KIF13A: variants seen among roughly 807,000 people sequenced by gnomAD.
KIF13A encodes the protein kinesin-like protein KIF13A.
In KIF13A, 79 loss-of-function variants were observed where a neutral mutation model predicts 212.2. The ratio of observed to expected loss-of-function variants is 0.37; its 90% CI spans 0.31 to 0.45. The LOEUF (loss-of-function observed/expected upper bound fraction) is 0.45. Among genes scored for constraint, KIF13A ranks in the 20% least tolerant of loss-of-function variants. The pLI is 1.00. For synonymous variants in KIF13A, 789 were observed against 808.6 expected (o/e 0.98, Z 0.41); for missense variants, 1,901 against 2,209.0 (o/e 0.86, Z 2.79).
chr6:17,827,251 T>C (rs967071221), intron 14 of KIF13A, among the ~76,000 whole-genome samples: 1 of 151,818 alleles, frequency 6.6e-6, no homozygotes, highest in African/African-American at 2.4e-5. Flanking sequence ...TGCACCACTA[T>C]ACCAGCTCAT....
intron 16 of KIF13A, among the ~76,000 whole-genome samples, chr6:17,820,023 A>C (rs1764297674): frequency 6.6e-6 from 1 of 152,082 alleles, no homozygotes; most frequent in Non-Finnish European, 1.5e-5. Flanking sequence ...CGAGATACTG[A>C]ATAAGATATA....
Position 17,768,220 on chromosome 6 carries a change from C to T in KIF13A, c.4581+2894G>A, listed in dbSNP as rs113509115. ...GCTTAAAGAAGAATAAACTAAGCAC[C>T]TTCCTACAATGTCTTAAGGAAAAAG... On this transcript the variant is annotated intron_variant, in intron 38 of 38. Coordinates refer to ENST00000259711, the MANE Select transcript of KIF13A (RefSeq NM_022113.6). The surrounding 1 kb of genome is among the most constrained non-coding windows in gnomAD (Gnocchi z 5.4). Among the ~76,000 whole-genome samples, 142 of 152,270 alleles carry T rather than the reference C, an allele frequency of 9.3e-4. 2 individuals carry two copies. Among genetic ancestry groups the T allele is most frequent in the African/African-American group, 3.3e-3 (136 of 41,552 alleles).
At chr6:17,870,403 T>C (rs1769890424) in intron 4 of KIF13A, among the ~76,000 whole-genome samples, 1 of 152,016 alleles carries the variant, frequency 6.6e-6, no homozygotes, top group Admixed American at 6.6e-5. Context: ...AAATCTTGAG[T>C]TTCACAACTA....
In KIF13A at chr6:17,951,512, G is replaced by A. The variant is rs1306233375; in HGVS notation, c.146+35542C>T. 1 of 429,182 alleles carries A rather than the reference G, an allele frequency of 2.3e-6. No homozygotes were observed. The highest frequency in any genetic ancestry group is 3.5e-5 in the East Asian group (1 of 28,344). 26.6% of individuals were successfully genotyped at this position (429,182 alleles called of 1,614,324 possible). On this transcript the variant is annotated intron_variant, in intron 2 of 38. Transcript: ENST00000259711. The surrounding 1 kb of genome is among the most constrained non-coding windows in gnomAD (Gnocchi z 4.9). Reference sequence around the variant, plus strand: ...TTACCCACTAAAAGTGTCCAATTCAGTGATTTTTAGCATATTCACAGAGTT... The same window carrying A: ...TTACCCACTAAAAGTGTCCAATTCAATGATTTTTAGCATATTCACAGAGTT...
chr6:17,780,389 G>A (rs1268488833), intron 31 of KIF13A, among the ~76,000 whole-genome samples: 4 of 152,240 alleles, frequency 2.6e-5, no homozygotes, highest in Non-Finnish European at 5.9e-5. Flanking sequence ...TTTGTTTGGA[G>A]TCTGCCTTTT....
At chr6:17,830,093 G>C (rs536452205) in intron 13 of KIF13A, among the ~76,000 whole-genome samples, 2 of 152,288 alleles carry the variant, frequency 1.3e-5, no homozygotes, top group South Asian at 4.1e-4. Context: ...CCTTATGTCA[G>C]TCACAGTGTC....
chr6:17,981,612 T>TG (rs1365982415), intron 2 of KIF13A, among the ~76,000 whole-genome samples: 1 of 151,800 alleles, frequency 6.6e-6, no homozygotes, highest in Non-Finnish European at 1.5e-5. Flanking sequence ...TTAGTAGATA[T>TG]GGGGTTTCAC....
Position 17,794,784 on chromosome 6 carries a change from GA to G in KIF13A, c.2943-81del, listed in dbSNP as rs1433373420. ...TAATAGTAATAAGCCACCATTCACT[GA>G]GCACTTACTATGTGCTAGGCACTGT... On this transcript the variant is annotated intron_variant, in intron 23 of 38. Coordinates refer to ENST00000259711, the MANE Select transcript of KIF13A (RefSeq NM_022113.6). This position sits in a 1 kb window ranked among gnomAD's most constrained non-coding sequence, Gnocchi z 4.1. 4 of 1,443,620 alleles carry G rather than the reference GA, an allele frequency of 2.8e-6. No individual in the cohort carries two copies. Among genetic ancestry groups the G allele is most frequent in the Non-Finnish European group, 3.7e-6 (4 of 1,066,812 alleles). The allele number at this position is 1,443,620 out of a possible 1,614,324, so 89.4% of individuals were successfully genotyped here.
Position 17,764,791 on chromosome 6 carries a change from T to TGAG in KIF13A, c.4734_4736dup (p.Ser1579dup), listed in dbSNP as rs1327286405. 3 of 1,613,240 alleles carry TGAG rather than the reference T, an allele frequency of 1.9e-6. No individual in the cohort carries two copies. The East Asian group carries it at 6.7e-5, about 36-fold the overall frequency. On this transcript the variant is annotated inframe_insertion, in exon 39 of 39. Coordinates refer to ENST00000259711, the MANE Select transcript of KIF13A (RefSeq NM_022113.6). This position sits in a 1 kb window ranked among gnomAD's most constrained non-coding sequence, Gnocchi z 5.1. ...GGGACACTTCTTTCTCCAAGACCCG[T>TGAG]GAGTTTGACAGATCTACTTTAGAGG...
At chr6:17,874,646 G>T (rs1335807085) in intron 3 of KIF13A, among the ~76,000 whole-genome samples, 1 of 151,766 alleles carries the variant, frequency 6.6e-6, no homozygotes, top group Non-Finnish European at 1.5e-5. Context: ...AGTTATTGGG[G>T]TACAGGTGGT....
downstream of KIF13A, chr6:17,760,963 C>T (rs527982023): frequency 1.4e-6 from 2 of 1,389,084 alleles, no homozygotes; most frequent in East Asian, 4.6e-5. Flanking sequence ...CCAGTCCACA[C>T]CCATCACAAG....
At chr6:17,956,268 C>T (rs1043343975) in intron 2 of KIF13A, among the ~76,000 whole-genome samples, 2 of 152,190 alleles carry the variant, frequency 1.3e-5, no homozygotes, top group Non-Finnish European at 2.9e-5. Flanking sequence ...AATCTGGCTC[C>T]AGAGTCTGTG....
chr6:17,911,773 T>C (rs1322556389), intron 2 of KIF13A, among the ~76,000 whole-genome samples: 2 of 151,490 alleles, frequency 1.3e-5, no homozygotes, highest in Non-Finnish European at 2.9e-5. Flanking sequence ...TAATAATTTT[T>C]TTTTTTTTTG....
At chr6:17,908,686 AC>A (rs1012874198) in intron 2 of KIF13A, among the ~76,000 whole-genome samples, 1 of 151,998 alleles carries the variant, frequency 6.6e-6, no homozygotes, top group Non-Finnish European at 1.5e-5. Flanking sequence ...AAAAAAAAAA[AC>A]CCTGTTTCTT....
In KIF13A at chr6:17,956,793, CATAG is replaced by C. The variant is rs376258440; in HGVS notation, c.146+30257_146+30260del. The stretch of plus-strand genomic sequence containing the variant: ...CTATACTCTGGAGGAAGAAATGCTG[CATAG>C]AGAGGCCAAGAAGGAACTAACACAG... On this transcript the variant is annotated intron_variant, in intron 2 of 38. Transcript: ENST00000259711. 1.6e-3 allele frequency among the ~76,000 whole-genome samples: 249 copies of C among 152,306 alleles called. 2 individuals carry two copies. The highest frequency in any genetic ancestry group is 5.5e-3 in the African/African-American group (229 of 41,572).
intron 4 of KIF13A, among the ~76,000 whole-genome samples, chr6:17,859,477 A>G (rs1768493578): frequency 1.3e-5 from 2 of 150,990 alleles, no homozygotes; most frequent in Admixed American, 1.3e-4. Context: ...AACAAGAGTA[A>G]ATTTTAGTTT....
rs1015838741 is a variant in KIF13A at position 17,926,685 on chromosome 6, T to G, written c.147-28505A>C. On this transcript the variant is annotated intron_variant, in intron 2 of 38. Coordinates refer to ENST00000259711, the MANE Select transcript of KIF13A (RefSeq NM_022113.6). The surrounding 1 kb of genome is among the most constrained non-coding windows in gnomAD (Gnocchi z 4.3). ...AAGGAGACTGAAATTTTCTTTGACG[T>G]AAAAATTACTTATAATCTCAGAGTG... Among the ~76,000 whole-genome samples, 1 of 152,164 alleles carries G rather than the reference T, an allele frequency of 6.6e-6. No individual in the cohort carries two copies. Among genetic ancestry groups the G allele is most frequent in the East Asian group, 1.9e-4 (1 of 5,196 alleles).
chr6:17,760,534 G>C, downstream of KIF13A: 1 of 356,224 alleles, frequency 2.8e-6, no homozygotes. Context: ...AAGTCTGTTG[G>C]AATCTGTAGA....
rs1561737436 is a variant in KIF13A, at chr6:17,898,548, CA to C, written c.147-369del. Among the ~76,000 whole-genome samples, 3 of 152,004 alleles carry C rather than the reference CA, an allele frequency of 2.0e-5. No individual in the cohort carries two copies. The highest frequency in any genetic ancestry group is 4.4e-5 in the Non-Finnish European group (3 of 68,002). On this transcript the variant is annotated intron_variant, in intron 2 of 38. Transcript: ENST00000259711. The surrounding 1 kb of genome is among the most constrained non-coding windows in gnomAD (Gnocchi z 5.2). ...TGCATGTGATTAAATATTTTTAAATCAATTTTTATATTTAAATTTTTCTTAA... is the reference window on the plus strand; with the variant it reads ...TGCATGTGATTAAATATTTTTAAATCATTTTTATATTTAAATTTTTCTTAA...
Sources: allele counts gnomAD v4.1 joint callset (sites outside exome capture counted in the v4.1 genomes callset), GRCh38; gene constraint gnomAD v4.1.1; non-coding constraint Gnocchi (gnomAD v3.1); transcripts MANE v1.5; gene names NCBI Gene and HGNC (gene_info 2026-07-23, HGNC 2026-07-21).